Variants in FXYD6 observed in about 807,000 individuals in gnomAD.
FXYD6 encodes the protein FXYD domain containing ion transport regulator 6.
In FXYD6, 7 loss-of-function variants were observed where a neutral mutation model predicts 16.7. The ratio of observed to expected loss-of-function variants is 0.42; its 90% confidence interval spans 0.24 to 0.79. The LOEUF is 0.79. FXYD6 is among the 30% of genes least tolerant of loss of function. FXYD6 has a pLI of 0.28. For missense variants in FXYD6, 111 were observed against 116.2 expected (o/e 0.95, Z 0.21); for synonymous variants, 49 against 43.0 (o/e 1.14, Z -0.54).
At chr11:117,874,758 T>C (rs946963545) in intron 1 of FXYD6, among the ~76,000 whole-genome samples, 23 of 152,250 alleles carry the variant, frequency 1.5e-4, no homozygotes, top group Admixed American at 6.5e-5. Flanking sequence ...ATTGAAATTC[T>C]GGTCAGTGCC....
At chr11:117,871,373 C>T (rs1173807685) in intron 1 of FXYD6, among the ~76,000 whole-genome samples, 1 of 149,002 alleles carries the variant, frequency 6.7e-6, no homozygotes, top group African/African-American at 2.5e-5. Flanking sequence ...ACGCTGTTCA[C>T]TGGGCTTTCT....
In FXYD6 at chr11:117,848,397, ATTT is replaced by A. The variant is rs57830951; in HGVS notation, c.-5-5619_-5-5617del. On this transcript the variant is annotated intron_variant, in intron 1 of 7. Transcript: ENST00000526014. ...TCCCTGCATTTCTGAAATGAAACCAATTTTTTTTTTTTTTTTAATAAACAGATG... is the reference window on the plus strand; with the variant it reads ...TCCCTGCATTTCTGAAATGAAACCAATTTTTTTTTTTTTAATAAACAGATG... 4.0e-3 allele frequency among the ~76,000 whole-genome samples: 593 copies of A among 147,174 alleles called. 5 individuals are homozygous for A. Among genetic ancestry groups the A allele is most frequent in the Admixed American group, 0.02 (303 of 14,982 alleles).
At chr11:117,867,560 C>T (rs576064402) in intron 1 of FXYD6, among the ~76,000 whole-genome samples, 2 of 152,332 alleles carry the variant, frequency 1.3e-5, no homozygotes, top group East Asian at 3.9e-4. Flanking sequence ...CCCTCCCAAA[C>T]TCAAAGGCAT....
chr11:117,840,309 G>A lies in FXYD6; in HGVS notation c.259+10C>T, dbSNP rs753233831. 1.7e-5 allele frequency: 27 copies of A among 1,614,140 alleles called. No homozygotes were observed. Among genetic ancestry groups the A allele is most frequent in the East Asian group, 1.3e-4 (6 of 44,872 alleles). On this transcript the variant is annotated intron_variant, in intron 6 of 7. Transcript: ENST00000526014. ...CTTTTCCACCTGGGCAGGTGGTCAC[G>A]GACAGTTACCATTGGCGGTGATGAG...
At chr11:117,858,909 G>C (rs2056838240) in intron 1 of FXYD6, among the ~76,000 whole-genome samples, 1 of 151,928 alleles carries the variant, frequency 6.6e-6, no homozygotes, top group Non-Finnish European at 1.5e-5. Flanking sequence ...CCGAGTAGCT[G>C]GGACTACAGG....
intron 1 of FXYD6, among the ~76,000 whole-genome samples, chr11:117,846,621 A>C (rs1471292896): frequency 6.6e-6 from 1 of 152,194 alleles, no homozygotes; most frequent in Non-Finnish European, 1.5e-5. Context: ...CCAGGGGCAG[A>C]CTGCCTCCCC....
chr11:117,849,931 T>C (rs1231406239), intron 1 of FXYD6, among the ~76,000 whole-genome samples: 1 of 152,180 alleles, frequency 6.6e-6, no homozygotes, highest in African/African-American at 2.4e-5. Context: ...CAACTGGGCA[T>C]GTGCAAGTGC....
intron 1 of FXYD6, among the ~76,000 whole-genome samples, chr11:117,858,723 C>CCTTCCCTT (rs1275829263): frequency 2.4e-5 from 1 of 41,204 alleles, no homozygotes; most frequent in East Asian, 7.6e-4. Flanking sequence ...CTCCTTCCTT[C>CCTTCCCTT]CCTTCCTTCC....
At chr11:117,855,712 T>C (rs531855) in intron 1 of FXYD6, among the ~76,000 whole-genome samples, 133,155 of 152,238 alleles carry the variant, frequency 0.87, 58,847 homozygotes, top group East Asian at 1. Flanking sequence ...GATCCAAGGC[T>C]GAAGTGAGCG....
chr11:117,862,125 G>A (rs1249091652), intron 1 of FXYD6, among the ~76,000 whole-genome samples: 2 of 152,222 alleles, frequency 1.3e-5, no homozygotes, highest in Admixed American at 1.3e-4. Flanking sequence ...GCAGGCAAAG[G>A]AAAGAGAAAG....
chr11:117,865,791 G>C (rs1294314849), intron 1 of FXYD6, among the ~76,000 whole-genome samples: 1 of 152,202 alleles, frequency 6.6e-6, no homozygotes, highest in Non-Finnish European at 1.5e-5. Flanking sequence ...GCCGGGCGTG[G>C]TGGTGCGCGC....
chr11:117,857,228 C>CTCT (rs1413260012), intron 1 of FXYD6, among the ~76,000 whole-genome samples: 4 of 152,156 alleles, frequency 2.6e-5, no homozygotes, highest in African/African-American at 9.7e-5. Context: ...AATGCTCACT[C>CTCT]TCTCACACAG....
intron 1 of FXYD6, among the ~76,000 whole-genome samples, chr11:117,857,504 G>A (rs1408858066): frequency 6.6e-6 from 1 of 151,728 alleles, no homozygotes; most frequent in Admixed American, 6.6e-5. Flanking sequence ...CTGCTGCCGG[G>A]TTCAAGCGAT....
intron 1 of FXYD6, among the ~76,000 whole-genome samples, chr11:117,853,401 A>G (rs553336442): frequency 6.6e-6 from 1 of 152,338 alleles, no homozygotes; most frequent in East Asian, 1.9e-4. Flanking sequence ...AATGCTGATT[A>G]GCCTACAGAA....
intron 1 of FXYD6, among the ~76,000 whole-genome samples, chr11:117,853,949 C>T (rs2056666960): frequency 1.3e-5 from 2 of 152,028 alleles, no homozygotes; most frequent in Admixed American, 1.3e-4. Flanking sequence ...GTGGAAAGTC[C>T]CCTTATGATT....
chr11:117,850,500 T>C (rs2056584250), intron 1 of FXYD6, among the ~76,000 whole-genome samples: 1 of 152,254 alleles, frequency 6.6e-6, no homozygotes, highest in South Asian at 2.1e-4. Flanking sequence ...AATTCTGTAT[T>C]GTCAGGCTTT....
intron 1 of FXYD6, among the ~76,000 whole-genome samples, chr11:117,868,309 C>T (rs1315974003): frequency 6.6e-6 from 1 of 152,122 alleles, no homozygotes; most frequent in Non-Finnish European, 1.5e-5. Context: ...GATGGAAAAC[C>T]CAGTCCCATC....
chr11:117,847,372 A>T (rs1438776886), intron 1 of FXYD6, among the ~76,000 whole-genome samples: 1 of 150,998 alleles, frequency 6.6e-6, no homozygotes, highest in East Asian at 1.9e-4. Flanking sequence ...TTTTTATTTT[A>T]TTTTATTATT....
At chr11:117,847,271 T>C (rs774805340) in intron 1 of FXYD6, among the ~76,000 whole-genome samples, 1 of 152,230 alleles carries the variant, frequency 6.6e-6, no homozygotes, top group Non-Finnish European at 1.5e-5. Flanking sequence ...GCCTTTGGGT[T>C]TTCTCTGTAG....
Sources: allele counts gnomAD v4.1 joint callset (sites outside exome capture counted in the v4.1 genomes callset), GRCh38; gene constraint gnomAD v4.1.1; transcripts MANE v1.5; gene names NCBI Gene and HGNC (gene_info 2026-07-23, HGNC 2026-07-21).